The following PCLO variants were observed in gnomAD, a reference collection of about 807,000 sequenced individuals.
PCLO encodes the protein piccolo presynaptic cytomatrix protein, also known as protein piccolo.
In PCLO, 82 loss-of-function variants were observed where a neutral mutation model predicts 427.5. That is an observed-to-expected ratio of 0.19 (90% CI 0.16 to 0.23). The LOEUF is 0.23. Ranked by LOEUF, PCLO falls within the 10% of genes least tolerant of loss-of-function variation. The probability of loss-of-function intolerance (pLI) is 1.00; values close to 1 mark genes in which losing one functional copy is unlikely to be tolerated. For missense variants in PCLO, 6,239 were observed against 6,115.9 expected, an observed-to-expected ratio of 1.02 and a Z score of -0.67; for synonymous variants, 2,357 against 2,155.4, an observed-to-expected ratio of 1.09 and a Z score of -2.59.
At chr7:82,792,981 CT>C (rs1001364242) in intron 22 of PCLO, among the ~76,000 whole-genome samples, 1 of 142,852 alleles carries the variant, frequency 7.0e-6, no homozygotes, top group African/African-American at 2.8e-5. Context: ...ACTTAATTTT[CT>C]TTTTTTCCTT....
chr7:83,042,860 A>AAAAC (rs772757568), intron 3 of PCLO, among the ~76,000 whole-genome samples: 38 of 152,240 alleles, frequency 2.5e-4, no homozygotes, highest in East Asian at 7.7e-4. Context: ...ACTCTGTCTC[A>AAAAC]AAACAAACAA....
chr7:82,840,217 A>C (rs2115772424), intron 14 of PCLO, among the ~76,000 whole-genome samples: 1 of 152,226 alleles, frequency 6.6e-6, no homozygotes, highest in Non-Finnish European at 1.5e-5. Flanking sequence ...TGGAAGTTGG[A>C]AATAGCAGAG....
At chr7:82,856,714 A>G (rs1792816205) in intron 10 of PCLO, among the ~76,000 whole-genome samples, 1 of 152,188 alleles carries the variant, frequency 6.6e-6, no homozygotes, top group Non-Finnish European at 1.5e-5. Flanking sequence ...TTTATTTGTT[A>G]GAATGCTCAG....
intron 3 of PCLO, among the ~76,000 whole-genome samples, chr7:83,036,062 T>G (rs374562440): frequency 1.2e-4 from 19 of 152,196 alleles, no homozygotes; most frequent in African/African-American, 4.6e-4. Context: ...GTTAGTTTAT[T>G]TGGGACTCAG....
Position 83,162,493 on chromosome 7 carries a change from G to A in PCLO, c.100C>T (p.His34Tyr), listed in dbSNP as rs1162590773. 6.4e-7 allele frequency: 1 copy of A among 1,572,658 alleles called. No individual in the cohort carries two copies. Among genetic ancestry groups the A allele is most frequent in the East Asian group, 2.4e-5 (1 of 42,290 alleles). Residue 34 changes from histidine (H) to tyrosine (Y), a missense_variant, in exon 1 of 25, where the codon CAC becomes TAC. Transcript: ENST00000333891. Reference protein sequence around the residue: ...GGASGAGSPSHTAIPAGMEAD... With the variant: ...GGASGAGSPSYTAIPAGMEAD... ...TCCATGCCGGCCGGGATCGCGGTGTGAGAGGGGCTCCCCGCCCCGCTAGCT... is the reference window on the plus strand; with the variant it reads ...TCCATGCCGGCCGGGATCGCGGTGTAAGAGGGGCTCCCCGCCCCGCTAGCT...
intron 9 of PCLO, among the ~76,000 whole-genome samples, chr7:82,900,842 G>C (rs1181925030): frequency 6.6e-6 from 1 of 151,670 alleles, no homozygotes; most frequent in South Asian, 2.1e-4. Flanking sequence ...GTAACGTTGG[G>C]CAAAGAGTGG....
chr7:83,006,530 C>T (rs1433224187), intron 3 of PCLO, among the ~76,000 whole-genome samples: 1 of 151,366 alleles, frequency 6.6e-6, no homozygotes, highest in African/African-American at 2.4e-5. Flanking sequence ...AGATGCTGCA[C>T]AGCAAAACAA....
intron 10 of PCLO, among the ~76,000 whole-genome samples, chr7:82,851,683 A>C (rs79866645): frequency 6.6e-6 from 1 of 152,148 alleles, no homozygotes; most frequent in African/African-American, 2.4e-5. Context: ...TATCTTTTCC[A>C]TACTAAGATT....
At position 82,914,815 on chromosome 7, in the gene PCLO, G is replaced by C. The variant is rs746162170; in HGVS notation, c.13171C>G (p.Gln4391Glu). 1.2e-6 allele frequency: 2 copies of C among 1,613,466 alleles called. No homozygotes were observed. The highest frequency in any genetic ancestry group is 3.3e-5 in the Admixed American group (2 of 59,946). ...GGCAATGAGTGGCTTGATCCAAACT[G>C]ATCCCTGGTGTCTGCAGATATTGGT... ...LPPISADTRD[Q>E]FGSSHSLPEV... The change falls in exon 7 of 25, where the codon CAG becomes GAG. Residue 4391 changes from glutamine (Q) to glutamate (E), a missense_variant. This residue lies in a region of PCLO where 877 missense variants were observed against 925.5 expected (regional missense o/e 0.95). Coordinates refer to ENST00000333891, the MANE Select transcript of PCLO (RefSeq NM_033026.6).
At chr7:83,131,871 C>A (rs1418641285) in intron 3 of PCLO, among the ~76,000 whole-genome samples, 2 of 151,964 alleles carry the variant, frequency 1.3e-5, no homozygotes, top group Non-Finnish European at 2.9e-5. Context: ...TGACATTGTA[C>A]CATGAATTAC....
chr7:82,955,646 A>G lies in PCLO; in HGVS notation c.5307T>C (p.Thr1769=). The G allele has an allele frequency of 1.9e-6, 3 of 1,613,910 alleles. No individual in the cohort carries two copies. Among genetic ancestry groups the G allele is most frequent in the Non-Finnish European group, 2.5e-6 (3 of 1,179,866 alleles). ...CTTCTTCCTCTGAAGAATCTTCAAT[A>G]GTAGGCAAAAGAGGGCCATGTGGTC... ...RHRPHGPLLP[T]IEDSSEEEEL... is the part of the protein sequence containing the mutation. Residue 1769 remains threonine (T), a synonymous_variant, in exon 5 of 25, where the codon ACT becomes ACC. Coordinates refer to ENST00000333891, the MANE Select transcript of PCLO (RefSeq NM_033026.6).
chr7:82,998,887 T>C (rs965401557), intron 3 of PCLO, among the ~76,000 whole-genome samples: 1 of 151,774 alleles, frequency 6.6e-6, no homozygotes, highest in African/African-American at 2.4e-5. Context: ...AGACTGGAGA[T>C]TTAAAACAAG....
chr7:82,952,470 G>A lies in PCLO; in HGVS notation c.8483C>T (p.Thr2828Ile), dbSNP rs189352647. The A allele has an allele frequency of 3.8e-4, 616 of 1,613,808 alleles. 1 individual carries two copies. Among genetic ancestry groups the A allele is most frequent in the Non-Finnish European group, 4.7e-4 (551 of 1,179,848 alleles). The change falls in exon 5 of 25, where the codon ACA (threonine) becomes ATA (isoleucine). Residue 2828 changes from threonine (T) to isoleucine (I), a missense_variant. Thr to Ile is a moderately conservative substitution (Grantham distance 89). Around this residue, in one of 5 missense-constraint regions of PCLO, gnomAD observed 4,677 missense variants for 4,468.4 expected, o/e 1.05. Transcript: ENST00000333891. ...HAMTTPLQLT[T>I]SKHAEPPYRI... is the part of the protein sequence containing the mutation. ...GTATGGGGGCTCAGCATGCTTTGATGTTGTAAGTTGGAGTGGTGTTGTCAT... is the reference window on the plus strand; with the variant it reads ...GTATGGGGGCTCAGCATGCTTTGATATTGTAAGTTGGAGTGGTGTTGTCAT...
intron 2 of PCLO, among the ~76,000 whole-genome samples, chr7:83,145,331 T>C (rs1049537285): frequency 2.6e-5 from 4 of 152,160 alleles, no homozygotes; most frequent in African/African-American, 9.7e-5. Context: ...AAACCTTGAT[T>C]TTTTTTAAAC....
chr7:83,106,832 A>T (rs1790869632), intron 3 of PCLO, among the ~76,000 whole-genome samples: 1 of 152,170 alleles, frequency 6.6e-6, no homozygotes, highest in Non-Finnish European at 1.5e-5. Context: ...TAAGGTATAA[A>T]CACCCTTCAT....
At chr7:83,025,829 C>G (rs913566439) in intron 3 of PCLO, among the ~76,000 whole-genome samples, 25 of 152,112 alleles carry the variant, frequency 1.6e-4, no homozygotes, top group African/African-American at 5.8e-4. Flanking sequence ...AATTTTCAAC[C>G]CAGAATTTCA....
At chr7:83,101,503 G>A (rs1310178985) in intron 3 of PCLO, among the ~76,000 whole-genome samples, 1 of 151,886 alleles carries the variant, frequency 6.6e-6, no homozygotes, top group Admixed American at 6.6e-5. Flanking sequence ...AAAACGGATA[G>A]AAAAATATGA....
At position 82,915,974 on chromosome 7, in the gene PCLO, A is replaced by G. The variant is rs1455370799; in HGVS notation, c.12012T>C (p.Ser4004=). 3 of 1,612,964 alleles carry G rather than the reference A, an allele frequency of 1.9e-6. No homozygotes were observed. The highest frequency in any genetic ancestry group is 2.7e-5 in the African/African-American group (2 of 75,050). Reference sequence around the variant, plus strand: ...TTCTCAAGTCTAAACTATTGTACTTACTACCAAGATGGGAAACAGCAAATG... The same window carrying G: ...TTCTCAAGTCTAAACTATTGTACTTGCTACCAAGATGGGAAACAGCAAATG... The part of the protein sequence containing the change: ...DNTFAVSHLG[S]KYNSLDLRIG... Residue 4004 remains serine, a synonymous_variant, in exon 7 of 25, where the codon AGT becomes AGC. Coordinates refer to ENST00000333891, the MANE Select transcript of PCLO (RefSeq NM_033026.6).
In PCLO at chr7:82,807,691, T is replaced by G. The variant is rs982931632; in HGVS notation, c.14792-1862A>C. On this transcript the variant is annotated intron_variant, in intron 20 of 24. Transcript: ENST00000333891. ...TATATTCCAGTGGTAGTAGGATCCC[T>G]TCCCGAGAATAGGGAACAAGAAAGA... is the stretch of plus-strand genomic sequence containing the variant. 9.5e-4 allele frequency among the ~76,000 whole-genome samples: 145 copies of G among 152,184 alleles called. 2 individuals carry two copies. The highest frequency in any genetic ancestry group is 3.1e-3 in the African/African-American group (129 of 41,566).
Sources: gnomAD v4.1 joint callset for allele counts (sites outside exome capture counted in the v4.1 genomes callset) on GRCh38, gnomAD v4.1.1 for gene constraint, gnomAD v4.1.1 regional missense constraint, MANE v1.5 for transcripts, NCBI Gene and HGNC (gene_info 2026-07-23, HGNC 2026-07-21) for gene names.